FOXP2: variants seen among roughly 807,000 people sequenced by gnomAD.
FOXP2 encodes forkhead box protein P2.
FOXP2 carries 12 observed loss-of-function variants against 115.8 expected under a neutral mutation model. The observed-to-expected ratio is 0.10, with a 90% CI of 0.07 to 0.17. The LOEUF (loss-of-function observed/expected upper bound fraction) is 0.17. Among genes scored for constraint, FOXP2 ranks in the 10% least tolerant of loss-of-function variants. The probability of loss-of-function intolerance (pLI) is 1.00; values close to 1 mark genes in which losing one functional copy is unlikely to be tolerated. For missense variants in FOXP2, 629 were observed against 843.5 expected (o/e 0.75, Z 3.15); for synonymous variants, 328 against 297.7 (o/e 1.10, Z -1.05).
At chr7:114,417,143 A>G (rs988308679) in intron 1 of FOXP2, among the ~76,000 whole-genome samples, 8 of 151,950 alleles carry the variant, frequency 5.3e-5, no homozygotes, top group Non-Finnish European at 4.4e-5. Flanking sequence ...TAATACTCCT[A>G]TGCATAATGA....
At chr7:114,149,588 T>C (rs1792475475) in intron 1 of FOXP2, among the ~76,000 whole-genome samples, 4 of 151,848 alleles carry the variant, frequency 2.6e-5, no homozygotes, top group Admixed American at 2.6e-4. Context: ...TTATTATTAA[T>C]TCCCCCATTT....
At chr7:114,470,394 CA>C (rs1795994300) in intron 2 of FOXP2, among the ~76,000 whole-genome samples, 1 of 152,054 alleles carries the variant, frequency 6.6e-6, no homozygotes, top group African/African-American at 2.4e-5. Flanking sequence ...CATTCTAAAC[CA>C]AATAAAGTCA....
At chr7:114,349,074 TAGAGGCAG>T (rs1791416104) in intron 2 of FOXP2, among the ~76,000 whole-genome samples, 1 of 152,118 alleles carries the variant, frequency 6.6e-6, no homozygotes, top group Non-Finnish European at 1.5e-5. Context: ...GATACTATTG[TAGAGGCAG>T]TTTCAGACAT....
At chr7:114,298,621 T>G (rs1796801664) in intron 2 of FOXP2, among the ~76,000 whole-genome samples, 1 of 152,134 alleles carries the variant, frequency 6.6e-6, no homozygotes, top group Non-Finnish European at 1.5e-5. Context: ...AGTTAAATAA[T>G]TTGCCCAGTG....
chr7:114,514,243 T>C (rs1429326952), intron 2 of FOXP2, among the ~76,000 whole-genome samples: 1 of 152,140 alleles, frequency 6.6e-6, no homozygotes, highest in African/African-American at 2.4e-5. Flanking sequence ...TTACCTCACA[T>C]ACTTATCATT....
chr7:114,479,824 G>A (rs1796444293), intron 2 of FOXP2, among the ~76,000 whole-genome samples: 1 of 151,426 alleles, frequency 6.6e-6, no homozygotes, highest in African/African-American at 2.4e-5. Flanking sequence ...GGTTACCGCA[G>A]CAATTTACCA....
intron 2 of FOXP2, among the ~76,000 whole-genome samples, chr7:114,405,421 C>T (rs1793012837): frequency 6.6e-6 from 1 of 151,754 alleles, no homozygotes; most frequent in South Asian, 2.1e-4. Flanking sequence ...TCCCATTTGA[C>T]GTTCATGTAT....
At chr7:114,613,171 AT>A (rs1055793198) in intron 3 of FOXP2, among the ~76,000 whole-genome samples, 22 of 152,164 alleles carry the variant, frequency 1.4e-4, no homozygotes, top group Admixed American at 5.2e-4. Flanking sequence ...TGCATTTAGA[AT>A]TTTTTTAATT....
intron 1 of FOXP2, among the ~76,000 whole-genome samples, chr7:114,152,442 C>A (rs917526327): frequency 1.3e-5 from 2 of 152,150 alleles, no homozygotes; most frequent in African/African-American, 4.8e-5. Context: ...AGCACCAATA[C>A]CTTTGAGACA....
At chr7:114,325,371 T>C (rs1797529507) in intron 2 of FOXP2, among the ~76,000 whole-genome samples, 1 of 151,890 alleles carries the variant, frequency 6.6e-6, no homozygotes, top group African/African-American at 2.4e-5. Context: ...TCAGATAAGA[T>C]TAAACATTTT....
At chr7:114,192,602 TA>T (rs1408836120) in intron 1 of FOXP2, among the ~76,000 whole-genome samples, 2 of 152,184 alleles carry the variant, frequency 1.3e-5, no homozygotes, top group Non-Finnish European at 2.9e-5. Flanking sequence ...TTTGTATATT[TA>T]AAAAAATCTA....
At chr7:114,335,515 A>T (rs913901598) in intron 2 of FOXP2, among the ~76,000 whole-genome samples, 1 of 151,884 alleles carries the variant, frequency 6.6e-6, no homozygotes, top group African/African-American at 2.4e-5. Flanking sequence ...GTTATATTTC[A>T]GTTTTAATTG....
At chr7:114,372,490 A>G (rs1205431142) in intron 2 of FOXP2, among the ~76,000 whole-genome samples, 1 of 152,212 alleles carries the variant, frequency 6.6e-6, no homozygotes, top group Non-Finnish European at 1.5e-5. Context: ...GCATTTTAAA[A>G]TAAAAACTAT....
At chr7:114,595,124 A>G (rs1415887995) in intron 3 of FOXP2, among the ~76,000 whole-genome samples, 1 of 152,036 alleles carries the variant, frequency 6.6e-6, no homozygotes, top group Non-Finnish European at 1.5e-5. Context: ...GATTTATCAA[A>G]TTGATTATAT....
At chr7:114,510,260 A>G (rs1798007601) in intron 2 of FOXP2, among the ~76,000 whole-genome samples, 1 of 152,168 alleles carries the variant, frequency 6.6e-6, no homozygotes, top group South Asian at 2.1e-4. Flanking sequence ...TGGTACAGAC[A>G]GAAGATTTTC....
At chr7:114,164,630 G>A (rs948995922) in intron 1 of FOXP2, among the ~76,000 whole-genome samples, 5 of 151,986 alleles carry the variant, frequency 3.3e-5, no homozygotes, top group East Asian at 1.9e-4. Flanking sequence ...ATAAGCCACC[G>A]TGCCCGGCCC....
chr7:114,137,182 CT>C lies in FOXP2; in HGVS notation c.-246-25761del, dbSNP rs1349669882. ...TTTCCCATTTGTTGTGAGTATATGT[CT>C]GTCTAAAGAGGGTATTATGGATAGG... On this transcript the variant is annotated intron_variant, in intron 1 of 19. Coordinates refer to the FOXP2 transcript ENST00000635638. 4.6e-5 allele frequency among the ~76,000 whole-genome samples: 7 copies of C among 152,020 alleles called. No homozygotes were observed. In the East Asian group the frequency reaches 9.7e-4, roughly 21 times the overall value.
chr7:114,092,719 A>T, intron 1 of FOXP2, among the ~76,000 whole-genome samples: 1 of 152,058 alleles, frequency 6.6e-6, no homozygotes, highest in Non-Finnish European at 1.5e-5. Context: ...TTTTAAAAAA[A>T]GATCCCCAAC....
intron 3 of FOXP2, among the ~76,000 whole-genome samples, chr7:114,541,495 A>G (rs955666643): frequency 6.6e-6 from 1 of 152,026 alleles, no homozygotes; most frequent in Non-Finnish European, 1.5e-5. Context: ...TTGCATAAAC[A>G]CTGTTTAGTT....
Sources: allele counts gnomAD v4.1 joint callset (sites outside exome capture counted in the v4.1 genomes callset), GRCh38; gene constraint gnomAD v4.1.1; transcripts MANE v1.5; gene names NCBI Gene and HGNC (gene_info 2026-07-23, HGNC 2026-07-21).